ALDH1L2: variants seen among roughly 807,000 people sequenced by gnomAD.
ALDH1L2 encodes mitochondrial 10-formyltetrahydrofolate dehydrogenase.
In ALDH1L2, 91 loss-of-function variants were observed where a neutral mutation model predicts 111.0. The observed-to-expected ratio is 0.82, with a 90% CI of 0.69 to 0.98. The LOEUF is 0.98. Among genes scored for constraint, ALDH1L2 ranks in the 50% least tolerant of loss-of-function variants. The pLI, the probability that ALDH1L2 is intolerant of heterozygous loss-of-function variation, is 0.00. For missense variants in ALDH1L2, 995 were observed against 1,126.8 expected (o/e 0.88, Z 1.67); for synonymous variants, 374 against 392.6 (o/e 0.95, Z 0.56).
chr12:105,078,741 T>A (rs1878195482), intron 1 of ALDH1L2, among the ~76,000 whole-genome samples: 1 of 152,192 alleles, frequency 6.6e-6, no homozygotes, highest in Non-Finnish European at 1.5e-5. Context: ...AGTGCTAGAA[T>A]AAGAGAGCAC....
At chr12:105,063,302 C>A (rs1224905956) in intron 6 of ALDH1L2, among the ~76,000 whole-genome samples, 3 of 152,052 alleles carry the variant, frequency 2.0e-5, no homozygotes, top group Non-Finnish European at 4.4e-5. Context: ...CGGTGAAACC[C>A]CGTCTCTACT....
rs900924904 is a variant in ALDH1L2, at chr12:105,060,929, C to A, written c.1139+52G>T. On this transcript the variant is annotated intron_variant, in intron 9 of 22. Transcript: ENST00000258494. ...TGGATTTCACTGTCAAAGCCAAAGT[C>A]AAAATCTCTAGTGAGGGAATCCCTA... The A allele has an allele frequency of 4.6e-6, 7 of 1,538,008 alleles. No individual in the cohort carries two copies. The South Asian group carries it at 7.8e-5, about 17-fold the overall frequency.
intron 18 of ALDH1L2, among the ~76,000 whole-genome samples, chr12:105,035,077 T>C (rs1437293152): frequency 2.0e-5 from 3 of 152,174 alleles, no homozygotes; most frequent in African/African-American, 7.2e-5. Context: ...GCCTCCCAAG[T>C]AGCTGGCACT....
intron 22 of ALDH1L2, among the ~76,000 whole-genome samples, chr12:105,024,926 T>C (rs886861434): frequency 2.0e-5 from 3 of 152,266 alleles, no homozygotes; most frequent in African/African-American, 7.2e-5. Context: ...CTCTGGATTA[T>C]ATTAATTAAA....
At chr12:105,031,691 G>A (rs1311692663) in intron 20 of ALDH1L2, 78 bp downstream of exon 20, 33 of 1,535,762 alleles carry the variant, frequency 2.1e-5, no homozygotes. Flanking sequence ...ATGTTGGCCA[G>A]GCTGGTCTTA....
intron 2 of ALDH1L2, chr12:105,072,274 A>G (rs1877783805): frequency 6.7e-6 from 1 of 149,268 alleles, no homozygotes; most frequent in Non-Finnish European, 1.5e-5. Context: ...AATAGCATAT[A>G]TGTTAATTTT....
At chr12:105,051,576 A>G (rs979812700) in intron 12 of ALDH1L2, among the ~76,000 whole-genome samples, 5 of 152,138 alleles carry the variant, frequency 3.3e-5, no homozygotes, top group African/African-American at 1.2e-4. Context: ...CTTTGTGAAC[A>G]GTTCTTTATT....
At position 105,052,185 on chromosome 12, in the gene ALDH1L2, C is replaced by T. The variant is rs747974730; in HGVS notation, c.1440G>A (p.Ala480=). 9.3e-6 allele frequency: 15 copies of T among 1,610,194 alleles called. No individual in the cohort carries two copies. The highest frequency in any genetic ancestry group is 4.5e-5 in the East Asian group (2 of 44,626). Residue 480 remains alanine, a synonymous_variant, in exon 12 of 23, where the codon GCG becomes GCA. Coordinates refer to ENST00000258494, the MANE Select transcript of ALDH1L2 (RefSeq NM_001034173.4). ...TICKVSYASL[A]DVDKAVAAAK... ...CTGCTGCTACTGCTTTATCAACATC[C>T]GCCAAAGAAGCGTAGGATACTTTGC...
Position 105,070,804 on chromosome 12 carries a change from G to T in ALDH1L2, c.194C>A (p.Ala65Asp). 6.2e-7 allele frequency: 1 copy of T among 1,602,042 alleles called. No homozygotes were observed. Among genetic ancestry groups the T allele is most frequent in the African/African-American group, 1.3e-5 (1 of 74,188 alleles). The change falls in exon 3 of 23, where the codon GCT becomes GAT. Residue 65 changes from alanine to aspartate, a missense_variant and splice_region_variant. Coordinates refer to ENST00000258494, the MANE Select transcript of ALDH1L2 (RefSeq NM_001034173.4). ...PDKDGKADPL[A>D]LAAEKDGTPV... ...GGTCCCATCTTTCTCTGCAGCCAAA[G>T]CTGAGCATAAAAAAGAAGATTTTTT...
At chr12:105,068,928 T>A in intron 3 of ALDH1L2, 44 bp from the exon 4 acceptor site, 1 of 1,411,574 alleles carries the variant, frequency 7.1e-7, no homozygotes, top group South Asian at 1.7e-5. Context: ...GTTAACTGTA[T>A]CATAAAGTGA....
chr12:105,073,186 C>T (rs975850233), intron 2 of ALDH1L2, among the ~76,000 whole-genome samples: 3 of 152,168 alleles, frequency 2.0e-5, no homozygotes, highest in South Asian at 2.1e-4. Flanking sequence ...ATAGCAGCCA[C>T]GTGAGGTAGC....
intron 13 of ALDH1L2, among the ~76,000 whole-genome samples, chr12:105,049,217 C>T (rs968286930): frequency 1.5e-4 from 23 of 151,962 alleles, no homozygotes; most frequent in Admixed American, 7.2e-4. Context: ...TATTCAACAC[C>T]CTCAGGAGAT....
chr12:105,032,026 G>C, intron 19 of ALDH1L2, 92 bp from the exon 20 acceptor site: 1 of 1,355,128 alleles, frequency 7.4e-7, no homozygotes, highest in Non-Finnish European at 1.0e-6. Flanking sequence ...GGTGTTTATA[G>C]ATGTATTGTC....
intron 21 of ALDH1L2, 26 bp from the exon 22 acceptor site, chr12:105,026,770 T>G (rs1170605080): frequency 5.6e-6 from 9 of 1,610,080 alleles, no homozygotes; most frequent in Non-Finnish European, 7.6e-6. Context: ...GACATAAAAC[T>G]TCATTAAATG....
Position 105,036,513 on chromosome 12 carries a change from TTTATATATATATATATA to T in ALDH1L2, c.2145+1573_2145+1589del, listed in dbSNP as rs1875126607. The stretch of plus-strand genomic sequence containing the variant: ...TATATTTATATATGTATATATATAT[TTTATATATATATATATA>T]TATATATATATATATATATATATAT... On this transcript the variant is annotated intron_variant, in intron 18 of 22. Transcript: ENST00000258494. 3.7e-4 allele frequency among the ~76,000 whole-genome samples: 20 copies of T among 53,848 alleles called. 1 individual carries two copies. The highest frequency in any genetic ancestry group is 1.3e-3 in the South Asian group (2 of 1,526). The allele number at this position is 53,848 out of a possible 152,430, so 35.3% of individuals were successfully genotyped here.
rs150637993 is a variant in ALDH1L2 at position 105,052,154 on chromosome 12, C to A, written c.1471G>T (p.Asp491Tyr). The A allele has an allele frequency of 2.5e-6, 4 of 1,611,968 alleles. No homozygotes were observed. Among genetic ancestry groups the A allele is most frequent in the Middle Eastern group, 1.6e-4 (1 of 6,080 alleles). Reference sequence around the variant, plus strand: ...CCCCATTCACCGTTTTCAAAAGCATCTTTTGCTGCTGCTACTGCTTTATCA... The same window carrying A: ...CCCCATTCACCGTTTTCAAAAGCATATTTTGCTGCTGCTACTGCTTTATCA... ...DVDKAVAAAK[D>Y]AFENGEWGRM... The change falls in exon 12 of 23, where the codon GAT becomes TAT. Residue 491 changes from aspartate (D) to tyrosine (Y), a missense_variant. Transcript: ENST00000258494.
At chr12:105,073,397 A>G (rs1196096013) in intron 2 of ALDH1L2, among the ~76,000 whole-genome samples, 2 of 115,910 alleles carry the variant, frequency 1.7e-5, no homozygotes, top group East Asian at 3.0e-4. Flanking sequence ...CCAAATGGCC[A>G]TGACAAATGG....
intron 10 of ALDH1L2, among the ~76,000 whole-genome samples, chr12:105,055,449 G>T (rs1195711622): frequency 6.6e-6 from 1 of 152,150 alleles, no homozygotes; most frequent in Non-Finnish European, 1.5e-5. Context: ...AAGGGAGATG[G>T]GGAGAAGGTC....
At chr12:105,026,822 C>G (rs1168075586) in intron 21 of ALDH1L2, 78 bp from the exon 22 acceptor site, 18 of 1,546,244 alleles carry the variant, frequency 1.2e-5, no homozygotes, top group Non-Finnish European at 1.5e-5. Flanking sequence ...ATTTTCCCAT[C>G]TATGCTAGAA....
Sources: gnomAD v4.1 joint callset for allele counts (sites outside exome capture counted in the v4.1 genomes callset) on GRCh38, gnomAD v4.1.1 for gene constraint, MANE v1.5 for transcripts, NCBI Gene and HGNC (gene_info 2026-07-23, HGNC 2026-07-21) for gene names.